The following HS3ST5 variants were observed in gnomAD, a reference collection of about 807,000 sequenced individuals.
HS3ST5 encodes heparan sulfate glucosamine 3-O-sulfotransferase 5.
In HS3ST5, 10 loss-of-function variants were observed where a neutral mutation model predicts 25.4. That is an observed-to-expected ratio of 0.39 (90% CI 0.24 to 0.67). The LOEUF (loss-of-function observed/expected upper bound fraction) is 0.67, where lower values mean the gene tolerates loss of function less well. HS3ST5 is among the 30% of genes least tolerant of loss of function. The pLI is 0.44. For missense variants in HS3ST5, 324 were observed against 420.7 expected, an observed-to-expected ratio of 0.77 and a Z score of 2.01; for synonymous variants, 170 against 162.4, an observed-to-expected ratio of 1.05 and a Z score of -0.36.
intron 3 of HS3ST5, among the ~76,000 whole-genome samples, chr6:114,064,600 C>T (rs1267133193): frequency 1.3e-5 from 2 of 152,170 alleles, no homozygotes; most frequent in African/African-American, 2.4e-5. Context: ...ACTTATGGAA[C>T]ATGTCTTATG....
intron 1 of HS3ST5, among the ~76,000 whole-genome samples, chr6:114,261,369 G>T (rs1773163970): frequency 6.6e-6 from 1 of 152,202 alleles, no homozygotes; most frequent in South Asian, 2.1e-4. Flanking sequence ...AGTTAACTGG[G>T]CAAGAGACTA....
At chr6:114,107,929 T>C (rs1361372070) in intron 3 of HS3ST5, among the ~76,000 whole-genome samples, 5 of 152,222 alleles carry the variant, frequency 3.3e-5, no homozygotes, top group Non-Finnish European at 1.5e-5. Flanking sequence ...TATATTAATT[T>C]ATAGATTCAG....
At chr6:114,142,030 G>C (rs1314144510) in intron 3 of HS3ST5, among the ~76,000 whole-genome samples, 1 of 151,592 alleles carries the variant, frequency 6.6e-6, no homozygotes, top group Admixed American at 6.6e-5. Context: ...CTGGTTGTTT[G>C]TAATATTCAT....
At chr6:114,175,207 C>T (rs557628021) in intron 2 of HS3ST5, among the ~76,000 whole-genome samples, 8 of 152,050 alleles carry the variant, frequency 5.3e-5, no homozygotes, top group Non-Finnish European at 5.9e-5. Flanking sequence ...CTATAATCAC[C>T]GAACTTTAAA....
intron 2 of HS3ST5, among the ~76,000 whole-genome samples, chr6:114,226,038 C>CA (rs1771265527): frequency 6.6e-6 from 1 of 151,860 alleles, no homozygotes; most frequent in African/African-American, 2.4e-5. Flanking sequence ...ACAGAATGAA[C>CA]AAAATCGTAG....
chr6:114,136,910 T>C (rs894455650), intron 3 of HS3ST5, among the ~76,000 whole-genome samples: 2 of 152,216 alleles, frequency 1.3e-5, no homozygotes, highest in African/African-American at 2.4e-5. Context: ...AAAAACAATA[T>C]TTACAGAGTG....
At chr6:114,215,692 G>A (rs572771078) in intron 2 of HS3ST5, among the ~76,000 whole-genome samples, 36 of 152,174 alleles carry the variant, frequency 2.4e-4, no homozygotes, top group African/African-American at 7.0e-4. Context: ...CAGCAGACTC[G>A]GTGGTATATT....
At chr6:114,181,884 A>ATGTGTGTG (rs71025099) in intron 2 of HS3ST5, among the ~76,000 whole-genome samples, 6 of 149,984 alleles carry the variant, frequency 4.0e-5, no homozygotes, top group Admixed American at 2.6e-4. Context: ...GTATGTGAGT[A>ATGTGTGTG]TGTGTGTGTG....
intron 1 of HS3ST5, among the ~76,000 whole-genome samples, chr6:114,256,885 G>A (rs1772949827): frequency 1.3e-5 from 2 of 152,104 alleles, no homozygotes; most frequent in Non-Finnish European, 2.9e-5. Context: ...ACCTGAGGCT[G>A]GTTAAATTAT....
intron 3 of HS3ST5, among the ~76,000 whole-genome samples, chr6:114,092,160 T>A (rs1258243322): frequency 1.3e-5 from 2 of 152,218 alleles, no homozygotes; most frequent in Non-Finnish European, 2.9e-5. Context: ...CTGGGCTAGA[T>A]AATCTCTTAG....
In HS3ST5 at chr6:114,342,679, G is replaced by C. The variant is rs1290093213; in HGVS notation, c.-823C>G. The stretch of plus-strand genomic sequence containing the variant: ...CTCCTTGCCCCACGAGGGCACCGGC[G>C]CAGCCCCGGACCCTGCGCGCAGAGG... On this transcript the variant is annotated 5_prime_UTR_variant, in exon 1 of 5. Coordinates refer to ENST00000312719, the MANE Select transcript of HS3ST5 (RefSeq NM_153612.4). The C allele has an allele frequency of 1.3e-5, 2 of 152,696 alleles. No individual in the cohort carries two copies. The highest frequency in any genetic ancestry group is 4.8e-5 in the African/African-American group (2 of 41,456). The allele number at this position is 152,696 out of a possible 1,614,324, so 9.5% of individuals were successfully genotyped here.
At chr6:114,264,255 C>T (rs1390185655) in intron 1 of HS3ST5, among the ~76,000 whole-genome samples, 1 of 152,010 alleles carries the variant, frequency 6.6e-6, no homozygotes, top group African/African-American at 2.4e-5. Flanking sequence ...GACCTTTGTT[C>T]TTATAAGCTC....
At chr6:114,299,014 C>T (rs1363429655) in intron 1 of HS3ST5, among the ~76,000 whole-genome samples, 1 of 152,150 alleles carries the variant, frequency 6.6e-6, no homozygotes, top group Non-Finnish European at 1.5e-5. Flanking sequence ...AGAGAGATAA[C>T]CTTAAATTCT....
intron 3 of HS3ST5, among the ~76,000 whole-genome samples, chr6:114,095,683 G>C (rs1775386621): frequency 6.6e-6 from 1 of 151,996 alleles, no homozygotes; most frequent in African/African-American, 2.4e-5. Context: ...TTTCCTGCTT[G>C]GACCAAATGT....
chr6:114,200,570 A>T (rs948725240), intron 2 of HS3ST5, among the ~76,000 whole-genome samples: 1 of 152,270 alleles, frequency 6.6e-6, no homozygotes, highest in East Asian at 1.9e-4. Context: ...TTGGGAAAAG[A>T]TTTAATTTTA....
At chr6:114,257,448 G>A (rs964926538) in intron 1 of HS3ST5, among the ~76,000 whole-genome samples, 1 of 152,118 alleles carries the variant, frequency 6.6e-6, no homozygotes, top group Non-Finnish European at 1.5e-5. Context: ...AAGGTTCAGG[G>A]AGGTTAAATA....
rs77912317 is a variant in HS3ST5, at chr6:114,294,157, T to C, written c.-339+48038A>G. Among the ~76,000 whole-genome samples the C allele has an allele frequency of 6.0e-3, 912 of 152,282 alleles. 9 individuals carry two copies. Among genetic ancestry groups the C allele is most frequent in the African/African-American group, 0.021 (852 of 41,548 alleles). On this transcript the variant is annotated intron_variant, in intron 1 of 4. Coordinates refer to ENST00000312719, the MANE Select transcript of HS3ST5 (RefSeq NM_153612.4). Reference sequence around the variant, plus strand: ...TTGGAATGTTTCAGATGATTGAAGATGTGATCACTTTGCTTGTCTCCAGGA... The same window carrying C: ...TTGGAATGTTTCAGATGATTGAAGACGTGATCACTTTGCTTGTCTCCAGGA...
intron 3 of HS3ST5, among the ~76,000 whole-genome samples, chr6:114,107,828 T>C (rs1273250495): frequency 6.6e-6 from 1 of 152,174 alleles, no homozygotes; most frequent in African/African-American, 2.4e-5. Flanking sequence ...AAAAGCATTA[T>C]CGAGAGAAAT....
intron 1 of HS3ST5, among the ~76,000 whole-genome samples, chr6:114,233,997 C>T (rs1771734881): frequency 6.6e-6 from 1 of 152,162 alleles, no homozygotes; most frequent in African/African-American, 2.4e-5. Flanking sequence ...CCTGCTTCTC[C>T]AGGGCTTCTA....
Sources: gnomAD v4.1 joint callset for allele counts (sites outside exome capture counted in the v4.1 genomes callset) on GRCh38, gnomAD v4.1.1 for gene constraint, MANE v1.5 for transcripts, NCBI Gene and HGNC (gene_info 2026-07-23, HGNC 2026-07-21) for gene names.